Variants in MAP4 observed in about 807,000 individuals in gnomAD.
The protein encoded by MAP4 is microtubule-associated protein 4.
A neutral mutation model predicts 170.2 loss-of-function variants in MAP4; 76 were observed. The ratio of observed to expected loss-of-function variants is 0.45; its 90% CI spans 0.37 to 0.54. MAP4 has a LOEUF of 0.54. Ranked by LOEUF, MAP4 falls within the 20% of genes least tolerant of loss-of-function variation. The probability of loss-of-function intolerance (pLI) is 0.00; values close to 1 mark genes in which losing one functional copy is unlikely to be tolerated. For missense variants in MAP4, 2,506 were observed against 2,748.0 expected, an observed-to-expected ratio of 0.91 and a Z score of 1.97; for synonymous variants, 909 against 994.5, an observed-to-expected ratio of 0.91 and a Z score of 1.62.
At chr3:47,987,338 G>A in intron 2 of MAP4, 2 of 1,385,186 alleles carry the variant, frequency 1.4e-6, no homozygotes, top group Non-Finnish European at 2.0e-6. Context: ...GATCTTACAA[G>A]TACCACAGAG....
intron 1 of MAP4, among the ~76,000 whole-genome samples, chr3:48,026,981 C>T (rs1174678980): frequency 2.0e-5 from 3 of 152,284 alleles, no homozygotes; most frequent in Middle Eastern, 3.4e-3. Flanking sequence ...GAAACATATG[C>T]ATCACCCATT....
At position 48,040,624 on chromosome 3, in the gene MAP4, C is replaced by A. The variant is rs540107752; in HGVS notation, c.-19-41745G>T. On this transcript the variant is annotated intron_variant, in intron 1 of 18. Coordinates refer to the MAP4 transcript ENST00000360240. Reference sequence around the variant, plus strand: ...CTGTCACCCAGCTGGAGTGCAGTGCCGCAACCTCGGCTCACTGCAGCCTCT... The same window carrying A: ...CTGTCACCCAGCTGGAGTGCAGTGCAGCAACCTCGGCTCACTGCAGCCTCT... Among the ~76,000 whole-genome samples, 5 of 152,012 alleles carry A rather than the reference C, an allele frequency of 3.3e-5. No homozygotes were observed. The South Asian group carries it at 1.0e-3, about 32-fold the overall frequency.
intron 3 of MAP4, among the ~76,000 whole-genome samples, chr3:47,940,478 T>C (rs2153996618): frequency 6.6e-6 from 1 of 152,286 alleles, no homozygotes; most frequent in South Asian, 2.1e-4. Context: ...ATTTACATAA[T>C]GCAGTAGAAA....
At chr3:48,055,550 A>T (rs9870023) in intron 1 of MAP4, among the ~76,000 whole-genome samples, 1 of 141,004 alleles carries the variant, frequency 7.1e-6, no homozygotes, top group Non-Finnish European at 1.6e-5. Context: ...ATCTCGGCTC[A>T]CTACAACCTA....
At chr3:47,906,006 AAAAC>A (rs2100032784) in intron 9 of MAP4, among the ~76,000 whole-genome samples, 1 of 152,090 alleles carries the variant, frequency 6.6e-6, no homozygotes, top group Non-Finnish European at 1.5e-5. Context: ...AAAAACAAAA[AAAAC>A]AAACAAAAAA....
intron 1 of MAP4, 55 bp from the exon 2 acceptor site, chr3:47,998,934 T>C (rs2100097749): frequency 1.0e-6 from 1 of 986,102 alleles, no homozygotes; most frequent in Non-Finnish European, 1.6e-6. Context: ...AGGAAAAACA[T>C]TTCTAGAAAC....
At chr3:48,031,740 G>A in intron 1 of MAP4, among the ~76,000 whole-genome samples, 1 of 152,052 alleles carries the variant, frequency 6.6e-6, no homozygotes, top group East Asian at 1.9e-4. Flanking sequence ...AAAATTAGCT[G>A]GGCTTGGTGG....
intron 2 of MAP4, among the ~76,000 whole-genome samples, chr3:47,998,019 T>A (rs2100096902): frequency 6.6e-6 from 1 of 152,080 alleles, no homozygotes; most frequent in Admixed American, 6.5e-5. Context: ...GAAGAAAAAA[T>A]ATCAATTCTA....
intron 12 of MAP4, among the ~76,000 whole-genome samples, chr3:47,874,395 G>C (rs1328801380): frequency 6.6e-6 from 1 of 152,166 alleles, no homozygotes; most frequent in Non-Finnish European, 1.5e-5. Context: ...CTTGAACCTG[G>C]GAGGTGGAGG....
Position 47,916,835 on chromosome 3 carries a change from GCTGAAGATACATCTGTTT to G in MAP4, c.974_991del (p.Glu325_Ser330del). 1.2e-6 allele frequency: 2 copies of G among 1,614,200 alleles called. No homozygotes were observed. The highest frequency in any genetic ancestry group is 1.7e-6 in the Non-Finnish European group (2 of 1,180,044). On this transcript the variant is annotated inframe_deletion, in exon 7 of 21. Coordinates refer to ENST00000683076, the MANE Select transcript of MAP4 (RefSeq NM_001385682.1). Reference sequence around the variant, plus strand: ...TTCTGTGGGCAGTACCACATTCTTGGCTGAAGATACATCTGTTTCTGTGGGCCATCTGACATCCTTAAC... The same window carrying G: ...TTCTGTGGGCAGTACCACATTCTTGGCTGTGGGCCATCTGACATCCTTAAC...
Position 47,916,121 on chromosome 3 carries a change from T to C in MAP4, c.1706A>G (p.Asn569Ser), listed in dbSNP as rs756818669. 1.2e-6 allele frequency: 2 copies of C among 1,614,228 alleles called. No homozygotes were observed. Among genetic ancestry groups the C allele is most frequent in the Non-Finnish European group, 1.7e-6 (2 of 1,180,040 alleles). The change falls in exon 7 of 21, where the codon AAT (asparagine) becomes AGT (serine). Residue 569 changes from asparagine to serine, a missense_variant. Transcript: ENST00000683076. Reference protein sequence around the residue: ...AKDGVLTLANNVTPAKDVPPL... With the variant: ...AKDGVLTLANSVTPAKDVPPL... ...TGGAACATCTTTGGCTGGAGTCACATTGTTGGCCAGGGTCAGAACCCCATC... is the reference window on the plus strand; with the variant it reads ...TGGAACATCTTTGGCTGGAGTCACACTGTTGGCCAGGGTCAGAACCCCATC...
At chr3:47,894,012 T>C (rs985367584) in intron 10 of MAP4, among the ~76,000 whole-genome samples, 1 of 152,034 alleles carries the variant, frequency 6.6e-6, no homozygotes. Context: ...ACCTTTTCCA[T>C]TACCTTCAGT....
Position 47,909,647 on chromosome 3 carries a change from C to T in MAP4, c.4774G>A (p.Ala1592Thr). The T allele has an allele frequency of 4.3e-6, 7 of 1,613,978 alleles. No homozygotes were observed. Among genetic ancestry groups the T allele is most frequent in the Non-Finnish European group, 5.9e-6 (7 of 1,179,902 alleles). Residue 1592 changes from alanine to threonine, a missense_variant, in exon 9 of 21, where the codon GCC (alanine) becomes ACC (threonine). By Grantham distance (58) the Ala-to-Thr change is moderately conservative. Transcript: ENST00000683076. Reference protein sequence around the residue: ...EDQSLPGEARALEGYADRGNF... With the variant: ...EDQSLPGEARTLEGYADRGNF... ...CCTCTATCTGCATATCCTTCTAGGG[C>T]TCTGGCCTCTCCTGGTAGGCTCTGG...
chr3:47,939,360 A>C (rs1258179460), intron 3 of MAP4, among the ~76,000 whole-genome samples: 1 of 152,194 alleles, frequency 6.6e-6, no homozygotes, highest in Non-Finnish European at 1.5e-5. Context: ...TGAACTCATT[A>C]ATGTTTAAAA....
At chr3:47,987,478 T>C (rs970366111) in intron 2 of MAP4, 3 of 1,295,404 alleles carry the variant, frequency 2.3e-6, no homozygotes, top group African/African-American at 3.0e-5. Flanking sequence ...TCTGGAAAGT[T>C]ACATCTAAAT....
At chr3:47,891,884 G>A (rs940095894) in intron 10 of MAP4, 33 of 1,536,058 alleles carry the variant, frequency 2.1e-5, no homozygotes, top group African/African-American at 6.8e-5. Flanking sequence ...CATCTCTCCC[G>A]GAGTTGCTTC....
chr3:47,910,877 C>T lies in MAP4; in HGVS notation c.3544G>A (p.Asp1182Asn). ...VSTETGDVVKDMGVNNQSKEG... is the reference protein window; with the variant it reads ...VSTETGDVVKNMGVNNQSKEG... Reference sequence around the variant, plus strand: ...TTGCTCTGGTTATTGACACCCATATCTTTGACTACATCTCCTGTTTCTGTG... The same window carrying T: ...TTGCTCTGGTTATTGACACCCATATTTTTGACTACATCTCCTGTTTCTGTG... Residue 1182 changes from aspartate to asparagine, a missense_variant, in exon 9 of 21, where the codon GAT becomes AAT. This residue lies in a region of MAP4 where 2,008 missense variants were observed against 2,206.0 expected (regional missense o/e 0.91). Coordinates refer to ENST00000683076, the MANE Select transcript of MAP4 (RefSeq NM_001385682.1). The T allele has an allele frequency of 6.5e-7, 1 of 1,536,132 alleles. No individual in the cohort carries two copies. Among genetic ancestry groups the T allele is most frequent in the South Asian group, 1.2e-5 (1 of 84,062 alleles).
At chr3:47,863,937 T>TGTGTGTG (rs374208589) in intron 17 of MAP4, among the ~76,000 whole-genome samples, 1 of 138,354 alleles carries the variant, frequency 7.2e-6, no homozygotes, top group Non-Finnish European at 1.6e-5. Context: ...TGTGTGTGTG[T>TGTGTGTG]GGGGAGTGGT....
chr3:48,080,795 A>G (rs924014540), intron 1 of MAP4, among the ~76,000 whole-genome samples: 9 of 152,140 alleles, frequency 5.9e-5, no homozygotes, highest in African/African-American at 2.2e-4. Context: ...CCTGGCTAAC[A>G]TGGGGAAACT....
Sources: allele counts gnomAD v4.1 joint callset (sites outside exome capture counted in the v4.1 genomes callset), GRCh38; gene constraint gnomAD v4.1.1; regional missense constraint gnomAD v4.1.1; transcripts MANE v1.5; gene names NCBI Gene and HGNC (gene_info 2026-07-23, HGNC 2026-07-21).